Variants in SCHIP1 observed in about 807,000 individuals in gnomAD.
SCHIP1 encodes the protein schwannomin interacting protein 1.
Under a neutral mutation model 29.7 loss-of-function variants are expected in SCHIP1, and 8 were observed. That is an observed-to-expected ratio of 0.27 (90% CI 0.16 to 0.49). The LOEUF (loss-of-function observed/expected upper bound fraction) is 0.49. Ranked by LOEUF, SCHIP1 falls within the 20% of genes least tolerant of loss-of-function variation. The pLI is 0.99. For synonymous variants in SCHIP1, 76 were observed against 94.9 expected (o/e 0.80, Z 1.16); for missense variants, 193 against 294.6 (o/e 0.66, Z 2.52).
chr3:159,545,044 T>C, the SCHIP1 span, among the ~76,000 whole-genome samples: 5 of 152,118 alleles, frequency 3.3e-5, no homozygotes, highest in African/African-American at 1.2e-4. Flanking sequence ...TCAAGAGCCA[T>C]GTTTCCCAAT....
At chr3:159,393,455 TGTAA>T in the SCHIP1 span, among the ~76,000 whole-genome samples, 9 of 152,076 alleles carry the variant, frequency 5.9e-5, no homozygotes, top group Non-Finnish European at 1.0e-4. Context: ...AGGTCTAACA[TGTAA>T]GTCTTTAATC....
chr3:159,860,566 G>A (rs183642216), intron 1 of SCHIP1, among the ~76,000 whole-genome samples: 77 of 152,298 alleles, frequency 5.1e-4, no homozygotes, highest in Admixed American at 2.9e-3. Context: ...GAGACAGTGA[G>A]CATTATAAAA....
At chr3:159,793,208 C>T in the SCHIP1 span, among the ~76,000 whole-genome samples, 2 of 152,102 alleles carry the variant, frequency 1.3e-5, no homozygotes, top group Non-Finnish European at 1.5e-5. Context: ...ATTTAGGACC[C>T]TAGCATTAGT....
At chr3:159,603,996 G>A in the SCHIP1 span, among the ~76,000 whole-genome samples, 1 of 152,106 alleles carries the variant, frequency 6.6e-6, no homozygotes, top group Non-Finnish European at 1.5e-5. Context: ...ATCGATGAAT[G>A]AGCCCTCATA....
At chr3:159,435,887 C>T in the SCHIP1 span, among the ~76,000 whole-genome samples, 1 of 152,062 alleles carries the variant, frequency 6.6e-6, no homozygotes, top group African/African-American at 2.4e-5. Flanking sequence ...TAAAATCTAA[C>T]TCAATTTCTT....
At chr3:159,527,781 G>A in the SCHIP1 span, among the ~76,000 whole-genome samples, 2 of 152,162 alleles carry the variant, frequency 1.3e-5, no homozygotes, top group South Asian at 2.1e-4. Flanking sequence ...AGGAGGGTAA[G>A]TGATGTCCAA....
the SCHIP1 span, among the ~76,000 whole-genome samples, chr3:159,331,970 T>C: frequency 6.6e-6 from 1 of 152,174 alleles, no homozygotes; most frequent in Non-Finnish European, 1.5e-5. Flanking sequence ...AGGCTCCACC[T>C]GGTCCTGGCT....
the SCHIP1 span, among the ~76,000 whole-genome samples, chr3:159,515,624 C>A: frequency 6.6e-6 from 1 of 152,124 alleles, no homozygotes; most frequent in Non-Finnish European, 1.5e-5. Flanking sequence ...TGAAAAAATT[C>A]TTGTTTATCA....
chr3:159,679,529 G>C, the SCHIP1 span, among the ~76,000 whole-genome samples: 1 of 152,190 alleles, frequency 6.6e-6, no homozygotes, highest in East Asian at 1.9e-4. Context: ...GTAGACAAAG[G>C]GAGATTTGGA....
At chr3:159,844,137 G>A (rs13065938) in intron 1 of SCHIP1, among the ~76,000 whole-genome samples, 18,714 of 152,238 alleles carry the variant, frequency 0.12, 1,420 homozygotes, top group Middle Eastern at 0.29. Context: ...AGCACATCAG[G>A]GGTTTGGTGA....
chr3:159,631,862 A>T, the SCHIP1 span, among the ~76,000 whole-genome samples: 1 of 152,174 alleles, frequency 6.6e-6, no homozygotes, highest in African/African-American at 2.4e-5. Context: ...AAGCAGTGGA[A>T]AAAAATGGAA....
the SCHIP1 span, among the ~76,000 whole-genome samples, chr3:159,715,033 T>A: frequency 6.6e-6 from 1 of 152,234 alleles, no homozygotes; most frequent in South Asian, 2.1e-4. Flanking sequence ...TGGGTGCCCC[T>A]CTGAGAGGAA....
chr3:159,288,593 T>C, the SCHIP1 span, among the ~76,000 whole-genome samples: 20 of 152,246 alleles, frequency 1.3e-4, no homozygotes, highest in African/African-American at 4.6e-4. Flanking sequence ...CAATATTAGC[T>C]GGGCATGGTG....
chr3:159,629,066 T>G, the SCHIP1 span, among the ~76,000 whole-genome samples: 1 of 152,144 alleles, frequency 6.6e-6, no homozygotes, highest in African/African-American at 2.4e-5. Flanking sequence ...CAATTATACA[T>G]GCTGAAAATA....
the SCHIP1 span, among the ~76,000 whole-genome samples, chr3:159,773,935 T>G: frequency 2.6e-5 from 4 of 152,188 alleles, no homozygotes; most frequent in African/African-American, 9.6e-5. Context: ...AAGCAGCCCA[T>G]AAAATAGTCT....
At chr3:159,582,153 G>A in the SCHIP1 span, among the ~76,000 whole-genome samples, 1 of 151,766 alleles carries the variant, frequency 6.6e-6, no homozygotes, top group African/African-American at 2.4e-5. Context: ...TTTTTTGTTT[G>A]TTGTTGGGTT....
chr3:159,403,745 CCTGATGATGTT>C, the SCHIP1 span, among the ~76,000 whole-genome samples: 1 of 152,164 alleles, frequency 6.6e-6, no homozygotes, highest in Non-Finnish European at 1.5e-5. Flanking sequence ...CTGGGCATGT[CCTGATGATGTT>C]CTGGCTTGAA....
At chr3:159,294,268 C>T in the SCHIP1 span, among the ~76,000 whole-genome samples, 451 of 152,248 alleles carry the variant, frequency 3.0e-3, 2 homozygotes, top group Non-Finnish European at 4.9e-3. Context: ...TTATTTTCAT[C>T]TTACTATTTA....
chr3:159,720,756 T>C, the SCHIP1 span, among the ~76,000 whole-genome samples: 1 of 152,108 alleles, frequency 6.6e-6, no homozygotes, highest in South Asian at 2.1e-4. Flanking sequence ...AGCTAATTTT[T>C]GTATTTTTAG....
Sources: gnomAD v4.1 joint callset for allele counts (sites outside exome capture counted in the v4.1 genomes callset) on GRCh38, gnomAD v4.1.1 for gene constraint, MANE v1.5 for transcripts, NCBI Gene and HGNC (gene_info 2026-07-23, HGNC 2026-07-21) for gene names.